The following SOWAHB variants were observed in gnomAD, a reference collection of about 807,000 sequenced individuals.
SOWAHB encodes sosondowah ankyrin repeat domain family member B, also known as ankyrin repeat domain-containing protein SOWAHB.
A neutral mutation model predicts 18.3 loss-of-function variants in SOWAHB; 17 were observed. That is an observed-to-expected ratio of 0.93 (90% confidence interval 0.64 to 1.40). SOWAHB has a LOEUF of 1.40. Ranked by LOEUF, SOWAHB falls within the 40% of genes most tolerant of loss-of-function variation. SOWAHB has a pLI of 0.00. For synonymous variants in SOWAHB, 496 were observed against 448.1 expected (o/e 1.11, Z -1.35); for missense variants, 1,126 against 1,033.7 (o/e 1.09, Z -1.22).
rs764267123 is a variant in SOWAHB, at chr4:76,897,748, G to A, written c.102C>T (p.Leu34=). 1.2e-6 allele frequency: 2 copies of A among 1,608,544 alleles called. No homozygotes were observed. Among genetic ancestry groups the A allele is most frequent in the African/African-American group, 2.7e-5 (2 of 74,936 alleles). Residue 34 remains leucine, a synonymous_variant, in exon 1 of 1, where the codon CTC becomes CTT. Transcript: ENST00000334306. The surrounding 1 kb of genome is among the most constrained non-coding windows in gnomAD (Gnocchi z 6.4). ...GGCTGGGGGACGCGTCGGGGTCTCGGAGAAAGCTCTTGAAGTGGCTCAGCA... is the reference window on the plus strand; with the variant it reads ...GGCTGGGGGACGCGTCGGGGTCTCGAAGAAAGCTCTTGAAGTGGCTCAGCA... ...AALLSHFKSF[L]RDPDASPSQH... is the part of the protein sequence containing the mutation.
Position 76,896,059 on chromosome 4 carries a change from C to T in SOWAHB, c.1791G>A (p.Glu597=). 11 of 1,605,044 alleles carry T rather than the reference C, an allele frequency of 6.9e-6. No homozygotes were observed. The highest frequency in any genetic ancestry group is 9.4e-6 in the Non-Finnish European group (11 of 1,175,902). ...KSSLVPLDAR[E]HEWIVKLASG... The stretch of plus-strand genomic sequence containing the variant: ...TGGCAAGCTTCACAATCCACTCATG[C>T]TCCCTGGCATCTAGTGGAACCAGGG... Residue 597 remains glutamate (E), a synonymous_variant, in exon 1 of 1, where the codon GAG becomes GAA. Transcript: ENST00000334306.
chr4:76,895,741 A>G lies in SOWAHB; in HGVS notation c.2109T>C (p.Ser703=). ...TTAGATACTGCCATGGCTTCTTCCC[A>G]CTGCTGTCCCTGACATTTACCCGAG... is the stretch of plus-strand genomic sequence containing the variant. ...LASRVNVRDS[S]GKKPWQYLTS... Residue 703 remains serine (S), a synonymous_variant, in exon 1 of 1, where the codon AGT becomes AGC. Transcript: ENST00000334306. 2.5e-6 allele frequency: 4 copies of G among 1,614,200 alleles called. No homozygotes were observed.
In SOWAHB at chr4:76,897,479, C is replaced by T. The variant is rs1187674609; in HGVS notation, c.371G>A (p.Arg124Gln). 20 of 1,485,156 alleles carry T rather than the reference C, an allele frequency of 1.3e-5. No homozygotes were observed. The highest frequency in any genetic ancestry group is 1.5e-5 in the Non-Finnish European group (17 of 1,124,914). The allele number at this position is 1,485,156 out of a possible 1,614,324, so 92.0% of individuals were successfully genotyped here. A position where few individuals can be genotyped will look rare whatever the true frequency, so the allele number is the denominator to read the frequency against. ...EPPQQQPRRR[R>Q]REKEPEEEPA... ...CTCCTCCTCCGGCTCCTTCTCGCGC[C>T]GCCGCCGCCTGGGCTGCTGCTGGGG... Residue 124 changes from arginine (R) to glutamine (Q), a missense_variant, in exon 1 of 1, where the codon CGG becomes CAG. Physicochemically the swap from Arg to Gln is conservative, Grantham distance 43. Transcript: ENST00000334306. The surrounding 1 kb of genome is among the most constrained non-coding windows in gnomAD (Gnocchi z 6.4).
Position 76,897,727 on chromosome 4 carries a change from G to A in SOWAHB, c.123C>T (p.Pro41=). The change falls in exon 1 of 1, where the codon CCC becomes CCT. Residue 41 remains proline (P), a synonymous_variant. Transcript: ENST00000334306. The surrounding 1 kb of genome is among the most constrained non-coding windows in gnomAD (Gnocchi z 6.4). ...KSFLRDPDAS[P]SQHQHRRELF... ...GCTCGCGGCGGTGCTGGTGCTGGCTGGGGGACGCGTCGGGGTCTCGGAGAA... is the reference window on the plus strand; with the variant it reads ...GCTCGCGGCGGTGCTGGTGCTGGCTAGGGGACGCGTCGGGGTCTCGGAGAA... The A allele has an allele frequency of 1.2e-6, 2 of 1,610,180 alleles. No homozygotes were observed. The highest frequency in any genetic ancestry group is 1.7e-6 in the Non-Finnish European group (2 of 1,179,886).
At position 76,897,695 on chromosome 4, in the gene SOWAHB, T is replaced by G. The variant is rs1207734057; in HGVS notation, c.155A>C (p.Lys52Thr). 9.3e-6 allele frequency: 15 copies of G among 1,611,742 alleles called. No individual in the cohort carries two copies. The highest frequency in any genetic ancestry group is 1.2e-5 in the Non-Finnish European group (14 of 1,179,868). ...SQHQHRRELF[K>T]GFVNSVAAVR... ...TGCGGCGACCGAGTTGACGAAGCCC[T>G]TGAAGAGCTCGCGGCGGTGCTGGTG... The change falls in exon 1 of 1, where the codon AAG becomes ACG. Residue 52 changes from lysine (K) to threonine (T), a missense_variant. Lys to Thr is a moderately conservative substitution (Grantham distance 78, BLOSUM62 -1). Coordinates refer to ENST00000334306, the MANE Select transcript of SOWAHB (RefSeq NM_001029870.3). This position sits in a 1 kb window ranked among gnomAD's most constrained non-coding sequence, Gnocchi z 6.4.
In SOWAHB at chr4:76,895,799, C is replaced by G. The variant is rs762574027; in HGVS notation, c.2051G>C (p.Gly684Ala). ...LHLAAIHGHQ[G>A]VIKLLVQRLA... ...CCTTTGCACTAGCAATTTGATGACC[C>G]CCTGGTGGCCGTGAATGGCTGCAAG... Residue 684 changes from glycine (G) to alanine (A), a missense_variant, in exon 1 of 1, where the codon GGG (glycine) becomes GCG (alanine). Gly to Ala is a moderately conservative substitution (Grantham distance 60). Coordinates refer to ENST00000334306, the MANE Select transcript of SOWAHB (RefSeq NM_001029870.3). 51 of 1,614,130 alleles carry G rather than the reference C, an allele frequency of 3.2e-5. No individual in the cohort carries two copies. Among genetic ancestry groups the G allele is most frequent in the Non-Finnish European group, 3.9e-5 (46 of 1,180,062 alleles).
In SOWAHB at chr4:76,897,527, C is replaced by A; in HGVS notation, c.323G>T (p.Arg108Leu). The change falls in exon 1 of 1, where the codon CGA becomes CTA. Residue 108 changes from arginine to leucine, a missense_variant. Physicochemically the swap from Arg to Leu is moderately radical, Grantham distance 102. Coordinates refer to ENST00000334306, the MANE Select transcript of SOWAHB (RefSeq NM_001029870.3). This position sits in a 1 kb window ranked among gnomAD's most constrained non-coding sequence, Gnocchi z 6.4. ...SAGGAAPCSPRGARRGEPPQQ... is the reference protein window; with the variant it reads ...SAGGAAPCSPLGARRGEPPQQ... ...GGGCGGCTCCCCCCGGCGCGCGCCTCGCGGGGAGCAGGGCGCAGCTCCCCC... is the reference window on the plus strand; with the variant it reads ...GGGCGGCTCCCCCCGGCGCGCGCCTAGCGGGGAGCAGGGCGCAGCTCCCCC... The A allele has an allele frequency of 7.0e-7, 1 of 1,418,994 alleles. No homozygotes were observed. The highest frequency in any genetic ancestry group is 2.5e-4 in the Middle Eastern group (1 of 4,066). The allele number at this position is 1,418,994 out of a possible 1,614,324, so 87.9% of individuals were successfully genotyped here. A position where few individuals can be genotyped will look rare whatever the true frequency, so the allele number is the denominator to read the frequency against.
chr4:76,897,443 G>C lies in SOWAHB; in HGVS notation c.407C>G (p.Ala136Gly). ...EKEPEEEPAG[A>G]AARAADAACN... ...AGCTGCGTCGGCGGCTCTGGCTGCTGCACCTGCTGGCTCCTCCTCCGGCTC... is the reference window on the plus strand; with the variant it reads ...AGCTGCGTCGGCGGCTCTGGCTGCTCCACCTGCTGGCTCCTCCTCCGGCTC... Residue 136 changes from alanine to glycine, a missense_variant, in exon 1 of 1, where the codon GCA becomes GGA. Coordinates refer to ENST00000334306, the MANE Select transcript of SOWAHB (RefSeq NM_001029870.3). This position sits in a 1 kb window ranked among gnomAD's most constrained non-coding sequence, Gnocchi z 6.4. The C allele has an allele frequency of 2.0e-6, 3 of 1,509,556 alleles. No homozygotes were observed. The highest frequency in any genetic ancestry group is 2.6e-6 in the Non-Finnish European group (3 of 1,136,230). The allele number at this position is 1,509,556 out of a possible 1,614,324, so 93.5% of individuals were successfully genotyped here.
Position 76,897,801 on chromosome 4 carries a change from C to T in SOWAHB, c.49G>A (p.Ala17Thr). 6.2e-7 allele frequency: 1 copy of T among 1,600,908 alleles called. No individual in the cohort carries two copies. The highest frequency in any genetic ancestry group is 8.5e-7 in the Non-Finnish European group (1 of 1,179,844). The change falls in exon 1 of 1, where the codon GCT becomes ACT. Residue 17 changes from alanine to threonine, a missense_variant. Transcript: ENST00000334306. The surrounding 1 kb of genome is among the most constrained non-coding windows in gnomAD (Gnocchi z 6.4). ...GCAGCGTTGGTCACGCGGCCCCCAG[C>T]CTGGCACAGAAAGTCCAGTAGTGCC... ...QEALLDFLCQ[A>T]GGRVTNAALL...
At position 76,896,672 on chromosome 4, in the gene SOWAHB, T is replaced by A. The variant is rs1302849098; in HGVS notation, c.1178A>T (p.Asp393Val). Residue 393 changes from aspartate (D) to valine (V), a missense_variant, in exon 1 of 1, where the codon GAT (aspartate) becomes GTT (valine). Asp to Val is a radical substitution (Grantham distance 152). Transcript: ENST00000334306. Reference protein sequence around the residue: ...RSIRCQLSLQDLDDFVDQESD... With the variant: ...RSIRCQLSLQVLDDFVDQESD... ...CTCCTGGTCCACAAAGTCATCCAGA[T>A]CTTGGAGGGACAGCTGACAACGAAT... 1 of 1,614,020 alleles carries A rather than the reference T, an allele frequency of 6.2e-7. No individual in the cohort carries two copies. Among genetic ancestry groups the A allele is most frequent in the East Asian group, 2.2e-5 (1 of 44,884 alleles).
rs1719896128 is a variant in SOWAHB at position 76,895,805 on chromosome 4, T to C, written c.2045A>G (p.His682Arg). 1 of 1,614,246 alleles carries C rather than the reference T, an allele frequency of 6.2e-7. No individual in the cohort carries two copies. The change falls in exon 1 of 1, where the codon CAC (histidine) becomes CGC (arginine). Residue 682 changes from histidine (H) to arginine (R), a missense_variant. Coordinates refer to ENST00000334306, the MANE Select transcript of SOWAHB (RefSeq NM_001029870.3). ...CACTAGCAATTTGATGACCCCCTGG[T>C]GGCCGTGAATGGCTGCAAGGTGCAG... ...TPLHLAAIHG[H>R]QGVIKLLVQR...
Position 76,894,168 on chromosome 4 carries a change from G to A in SOWAHB, c.*1300C>T, listed in dbSNP as rs1719857563. Among the ~76,000 whole-genome samples the A allele has an allele frequency of 6.6e-6, 1 of 152,148 alleles. No individual in the cohort carries two copies. The highest frequency in any genetic ancestry group is 1.5e-5 in the Non-Finnish European group (1 of 68,020). On this transcript the variant is annotated 3_prime_UTR_variant, in exon 1 of 1. Transcript: ENST00000334306. The stretch of plus-strand genomic sequence containing the variant: ...CAGCATAAGTATAATAAATTATAAA[G>A]ATCTATTGATCTTTTAATGGGGGCA...
chr4:76,896,585 C>T lies in SOWAHB; in HGVS notation c.1265G>A (p.Gly422Glu), dbSNP rs915074977. 1.2e-6 allele frequency: 2 copies of T among 1,613,824 alleles called. No individual in the cohort carries two copies. The stretch of plus-strand genomic sequence containing the variant: ...TGGGGTTCCCAAGACAACCTGCAGC[C>T]CCTCTTCAGAAGCCCCCGGGGAGTC... Reference protein sequence around the residue: ...PKDSPGASEEGLQVVLGTPDR... With the variant: ...PKDSPGASEEELQVVLGTPDR... The change falls in exon 1 of 1, where the codon GGG (glycine) becomes GAG (glutamate). Residue 422 changes from glycine (G) to glutamate (E), a missense_variant. By Grantham distance (98) the Gly-to-Glu change is moderately conservative. Transcript: ENST00000334306.
In SOWAHB at chr4:76,895,986, G is replaced by A; in HGVS notation, c.1864C>T (p.Leu622=). The part of the protein sequence containing the change: ...VWTLFWEDPQ[L]ALHKDFLTGY... ...GTCAAAAAGTCTTTGTGCAAGGCCA[G>A]TTGAGGGTCCTCCCAGAACAAAGTC... Residue 622 remains leucine (L), a synonymous_variant, in exon 1 of 1, where the codon CTG becomes TTG. Coordinates refer to ENST00000334306, the MANE Select transcript of SOWAHB (RefSeq NM_001029870.3). The A allele has an allele frequency of 6.2e-7, 1 of 1,614,008 alleles. No individual in the cohort carries two copies.
Position 76,897,810 on chromosome 4 carries a change from G to A in SOWAHB, c.40C>T (p.Leu14=). Residue 14 remains leucine (L), a synonymous_variant, in exon 1 of 1, where the codon CTG becomes TTG. Transcript: ENST00000334306. The surrounding 1 kb of genome is among the most constrained non-coding windows in gnomAD (Gnocchi z 6.4). ...GTCACGCGGCCCCCAGCCTGGCACA[G>A]AAAGTCCAGTAGTGCCTCCTGGCTC... ...ELSQEALLDF[L]CQAGGRVTNA... 2 of 1,600,382 alleles carry A rather than the reference G, an allele frequency of 1.2e-6. No homozygotes were observed. The highest frequency in any genetic ancestry group is 1.1e-5 in the South Asian group (1 of 91,084).
chr4:76,897,064 G>T lies in SOWAHB; in HGVS notation c.786C>A (p.Thr262=). 6.5e-7 allele frequency: 1 copy of T among 1,539,034 alleles called. No individual in the cohort carries two copies. The highest frequency in any genetic ancestry group is 1.2e-5 in the South Asian group (1 of 84,572). The part of the protein sequence containing the change: ...VPAVAHSPPA[T]VEAATSRASP... Reference sequence around the variant, plus strand: ...AAGCCCTGCTTGTCGCAGCCTCGACGGTGGCGGGAGGCGAGTGAGCCACTG... The same window carrying T: ...AAGCCCTGCTTGTCGCAGCCTCGACTGTGGCGGGAGGCGAGTGAGCCACTG... Residue 262 remains threonine (T), a synonymous_variant, in exon 1 of 1, where the codon ACC becomes ACA. Transcript: ENST00000334306. This position sits in a 1 kb window ranked among gnomAD's most constrained non-coding sequence, Gnocchi z 6.4.
Position 76,895,380 on chromosome 4 carries a change from A to C in SOWAHB, c.*88T>G. On this transcript the variant is annotated 3_prime_UTR_variant, in exon 1 of 1. Transcript: ENST00000334306. ...TCTCACTCGACCATCCTCTTTACCA[A>C]CTCTCAGCAGCTTTTCTATTCCCCC... 2 of 1,318,904 alleles carry C rather than the reference A, an allele frequency of 1.5e-6. No individual in the cohort carries two copies. The highest frequency in any genetic ancestry group is 2.1e-6 in the Non-Finnish European group (2 of 956,458). 81.7% of individuals were successfully genotyped at this position (1,318,904 alleles called of 1,614,324 possible).
chr4:76,896,608 G>T lies in SOWAHB; in HGVS notation c.1242C>A (p.Asp414Glu). The T allele has an allele frequency of 1.2e-6, 2 of 1,613,912 alleles. No individual in the cohort carries two copies. Among genetic ancestry groups the T allele is most frequent in the Non-Finnish European group, 1.7e-6 (2 of 1,180,032 alleles). ...GSEESSSGPKDSPGASEEGLQ... is the reference protein window; with the variant it reads ...GSEESSSGPKESPGASEEGLQ... ...GCCCCTCTTCAGAAGCCCCCGGGGA[G>T]TCTTTGGGCCCACTGCTGCTCTCCT... Residue 414 changes from aspartate to glutamate, a missense_variant, in exon 1 of 1, where the codon GAC becomes GAA. Asp to Glu is a conservative substitution (Grantham distance 45, BLOSUM62 2). Transcript: ENST00000334306.
chr4:76,897,403 C>G lies in SOWAHB; in HGVS notation c.447G>C (p.Pro149=). ...RAADAACNGL[P]GSDSRRAPGK... ...CGGGCGCCCTACGGGAGTCGCTGCC[C>G]GGGAGTCCATTGCAAGCTGCGTCGG... Residue 149 remains proline (P), a synonymous_variant, in exon 1 of 1, where the codon CCG becomes CCC. Transcript: ENST00000334306. The surrounding 1 kb of genome is among the most constrained non-coding windows in gnomAD (Gnocchi z 6.4). The G allele has an allele frequency of 4.6e-6, 7 of 1,523,982 alleles. No homozygotes were observed. Among genetic ancestry groups the G allele is most frequent in the Non-Finnish European group, 6.1e-6 (7 of 1,142,550 alleles). The allele number at this position is 1,523,982 out of a possible 1,614,324, so 94.4% of individuals were successfully genotyped here.
Sources: gnomAD v4.1 joint callset for allele counts (sites outside exome capture counted in the v4.1 genomes callset) on GRCh38, gnomAD v4.1.1 for gene constraint, Gnocchi (gnomAD v3.1) non-coding constraint, MANE v1.5 for transcripts, NCBI Gene and HGNC (gene_info 2026-07-23, HGNC 2026-07-21) for gene names.